LIMS1: variants seen among roughly 807,000 people sequenced by gnomAD.
LIMS1 encodes the protein LIM and senescent cell antigen-like-containing domain protein 1.
Under a neutral mutation model 44.1 loss-of-function variants are expected in LIMS1, and 18 were observed. The ratio of observed to expected loss-of-function variants is 0.41; its 90% confidence interval spans 0.28 to 0.61. The LOEUF is 0.61. Ranked by LOEUF, LIMS1 falls within the 20% of genes least tolerant of loss-of-function variation. The pLI is 0.32. For synonymous variants in LIMS1, 93 were observed against 149.1 expected, an observed-to-expected ratio of 0.62 and a Z score of 2.74; for missense variants, 201 against 422.0, an observed-to-expected ratio of 0.48 and a Z score of 4.59.
intron 1 of LIMS1, among the ~76,000 whole-genome samples, chr2:108,599,670 A>G (rs183489465): frequency 1.4e-4 from 21 of 152,268 alleles, no homozygotes; most frequent in Admixed American, 1.2e-3. Context: ...CCTTTTCTCT[A>G]CATCCTCACC....
rs1014783281 is a variant in LIMS1 at position 108,654,923 on chromosome 2, A to C, written c.33-4682A>C. 5 of 1,503,142 alleles carry C rather than the reference A, an allele frequency of 3.3e-6. No homozygotes were observed. The African/African-American group carries it at 7.0e-5, about 21-fold the overall frequency. 93.1% of individuals were successfully genotyped at this position (1,503,142 alleles called of 1,614,324 possible). ...CTGTGCTGCTGAGCTCTTAACATGAAGCAGCAGTAGTGACCCTGGCGGGCC... is the reference window on the plus strand; with the variant it reads ...CTGTGCTGCTGAGCTCTTAACATGACGCAGCAGTAGTGACCCTGGCGGGCC... On this transcript the variant is annotated intron_variant, in intron 1 of 9. Transcript: ENST00000544547.
intron 2 of LIMS1, chr2:108,662,596 G>GA (rs1691456150): frequency 9.4e-7 from 1 of 1,058,626 alleles, no homozygotes; most frequent in Non-Finnish European, 1.2e-6. Context: ...CCTGCATCTG[G>GA]AGAATAAGAC....
chr2:108,657,386 T>C (rs1466307778), intron 1 of LIMS1, among the ~76,000 whole-genome samples: 5 of 152,414 alleles, frequency 3.3e-5, no homozygotes, highest in African/African-American at 1.2e-4. Flanking sequence ...CAGAGCCATA[T>C]ATATGAGCAG....
chr2:108,643,788 A>G (rs141383385), intron 1 of LIMS1, among the ~76,000 whole-genome samples: 1 of 152,316 alleles, frequency 6.6e-6, no homozygotes, highest in Non-Finnish European at 1.5e-5. Context: ...TTGTGCTAGT[A>G]TAGCAGACTG....
At chr2:108,596,315 C>T (rs1467954770) in intron 1 of LIMS1, among the ~76,000 whole-genome samples, 3 of 151,984 alleles carry the variant, frequency 2.0e-5, no homozygotes, top group African/African-American at 7.3e-5. Flanking sequence ...TGAAAGGGTC[C>T]GTGGAAGATG....
intron 1 of LIMS1, among the ~76,000 whole-genome samples, chr2:108,630,280 T>C (rs1402829929): frequency 6.6e-6 from 1 of 151,552 alleles, no homozygotes; most frequent in Non-Finnish European, 1.5e-5. Context: ...AACAGTGAAA[T>C]TCAGGCATCC....
At chr2:108,599,623 A>G (rs1686893337) in intron 1 of LIMS1, among the ~76,000 whole-genome samples, 1 of 152,158 alleles carries the variant, frequency 6.6e-6, no homozygotes, top group Admixed American at 6.5e-5. Context: ...CAGTGATTGT[A>G]CTCATTTACA....
intron 1 of LIMS1, among the ~76,000 whole-genome samples, chr2:108,640,953 C>T (rs1689631672): frequency 6.6e-6 from 1 of 152,152 alleles, no homozygotes; most frequent in Non-Finnish European, 1.5e-5. Flanking sequence ...ACCCTTCCCA[C>T]CCTCTAATAA....
intron 1 of LIMS1, among the ~76,000 whole-genome samples, chr2:108,636,855 G>A (rs897185081): frequency 6.6e-6 from 1 of 152,096 alleles, no homozygotes; most frequent in Non-Finnish European, 1.5e-5. Context: ...AGAACAAGAG[G>A]AGTGACTGAG....
At chr2:108,537,210 T>G (rs1159186504) in intron 1 of LIMS1, among the ~76,000 whole-genome samples, 1 of 152,194 alleles carries the variant, frequency 6.6e-6, no homozygotes, top group South Asian at 2.1e-4. Context: ...CTTAGTATGA[T>G]GAAAATAGTT....
intron 1 of LIMS1, among the ~76,000 whole-genome samples, chr2:108,646,178 TAC>T (rs1182839356): frequency 6.6e-6 from 1 of 152,202 alleles, no homozygotes; most frequent in Non-Finnish European, 1.5e-5. Context: ...CAGCAGAATA[TAC>T]ACTCTTCTCA....
At chr2:108,621,441 G>T (rs1162197596) in intron 1 of LIMS1, 1 of 1,551,028 alleles carries the variant, frequency 6.4e-7, no homozygotes, top group Non-Finnish European at 8.7e-7. Context: ...GAGTAAATGG[G>T]TTACCAGAGG....
intron 1 of LIMS1, among the ~76,000 whole-genome samples, chr2:108,625,332 T>C (rs992791072): frequency 2.0e-5 from 3 of 152,236 alleles, no homozygotes; most frequent in African/African-American, 7.2e-5. Flanking sequence ...TCTGCTACGC[T>C]GGCAAAGTTG....
At chr2:108,626,901 T>C (rs1688605270) in intron 1 of LIMS1, among the ~76,000 whole-genome samples, 1 of 152,256 alleles carries the variant, frequency 6.6e-6, no homozygotes, top group Non-Finnish European at 1.5e-5. Context: ...CATATAGTCA[T>C]GTGCTGCATA....
Position 108,669,842 on chromosome 2 carries a change from G to C in LIMS1, c.193-939G>C, listed in dbSNP as rs184663803. Among the ~76,000 whole-genome samples, 25 of 152,076 alleles carry C rather than the reference G, an allele frequency of 1.6e-4. 2 individuals carry two copies. In the East Asian group the frequency reaches 4.8e-3, roughly 29 times the overall value. ...ACATGAAATAATTGTGGGAGGAAAGGGCAGCCCTACTCATTTCACTATCAC... is the reference window on the plus strand; with the variant it reads ...ACATGAAATAATTGTGGGAGGAAAGCGCAGCCCTACTCATTTCACTATCAC... On this transcript the variant is annotated intron_variant, in intron 2 of 9. Transcript: ENST00000544547.
intron 1 of LIMS1, among the ~76,000 whole-genome samples, chr2:108,572,853 T>C (rs962870787): frequency 2.0e-5 from 3 of 152,200 alleles, no homozygotes; most frequent in African/African-American, 7.2e-5. Context: ...CCGCTGAACC[T>C]GCCTCCCCAC....
At chr2:108,644,401 G>A (rs1052110220) in intron 1 of LIMS1, among the ~76,000 whole-genome samples, 4 of 152,104 alleles carry the variant, frequency 2.6e-5, no homozygotes, top group Non-Finnish European at 5.9e-5. Context: ...TGCAGCAGAG[G>A]GGCCTGACTG....
chr2:108,586,013 G>A (rs1445256181), intron 1 of LIMS1, among the ~76,000 whole-genome samples: 3 of 152,100 alleles, frequency 2.0e-5, no homozygotes, highest in Middle Eastern at 3.2e-3. Flanking sequence ...CTAACACGGT[G>A]AAACCCCATC....
chr2:108,642,299 A>G (rs1391623130), intron 1 of LIMS1, among the ~76,000 whole-genome samples: 1 of 149,752 alleles, frequency 6.7e-6, no homozygotes, highest in African/African-American at 2.5e-5. Flanking sequence ...TAAGTCCATC[A>G]TTACTACTTA....
Sources: gnomAD v4.1 joint callset for allele counts (sites outside exome capture counted in the v4.1 genomes callset) on GRCh38, gnomAD v4.1.1 for gene constraint, MANE v1.5 for transcripts, NCBI Gene and HGNC (gene_info 2026-07-23, HGNC 2026-07-21) for gene names.